The following ANO2 variants were observed in gnomAD, a reference collection of about 807,000 sequenced individuals.
ANO2 encodes the protein anoctamin 2.
In ANO2, 101 loss-of-function variants were observed where a neutral mutation model predicts 124.2. The ratio of observed to expected loss-of-function variants is 0.81; its 90% CI spans 0.69 to 0.96. The LOEUF (loss-of-function observed/expected upper bound fraction) is 0.96. Ranked by LOEUF, ANO2 falls within the 40% of genes least tolerant of loss-of-function variation. The pLI is 0.00. For synonymous variants in ANO2, 486 were observed against 482.5 expected, an observed-to-expected ratio of 1.01 and a Z score of -0.09; for missense variants, 1,293 against 1,274.5, an observed-to-expected ratio of 1.01 and a Z score of -0.22.
chr12:5,785,235 G>A (rs1392683013), intron 10 of ANO2, among the ~76,000 whole-genome samples: 2 of 152,172 alleles, frequency 1.3e-5, no homozygotes, highest in Non-Finnish European at 2.9e-5. Flanking sequence ...GAAAAGGGGT[G>A]AAGACTTAGG....
chr12:5,841,057 G>A (rs1954498033), intron 4 of ANO2, among the ~76,000 whole-genome samples: 1 of 152,188 alleles, frequency 6.6e-6, no homozygotes, highest in African/African-American at 2.4e-5. Flanking sequence ...ATGCCATGGA[G>A]TTCACCCACT....
At chr12:5,580,056 A>G (rs903641246) in intron 20 of ANO2, among the ~76,000 whole-genome samples, 1 of 152,186 alleles carries the variant, frequency 6.6e-6, no homozygotes, top group Non-Finnish European at 1.5e-5. Flanking sequence ...CTAGGGGTTC[A>G]GTACATATTT....
chr12:5,765,330 G>A (rs555760656), intron 10 of ANO2, among the ~76,000 whole-genome samples: 1 of 152,228 alleles, frequency 6.6e-6, no homozygotes, highest in East Asian at 1.9e-4. Flanking sequence ...CCAGCAGTCC[G>A]GGGTGACTTG....
At chr12:5,601,234 CA>C (rs1445072077) in intron 19 of ANO2, among the ~76,000 whole-genome samples, 2 of 151,958 alleles carry the variant, frequency 1.3e-5, no homozygotes, top group African/African-American at 4.8e-5. Context: ...GGGCTTGATA[CA>C]TGTTAAGAGC....
chr12:5,653,364 A>G (rs1947006019), intron 14 of ANO2, among the ~76,000 whole-genome samples: 2 of 152,234 alleles, frequency 1.3e-5, no homozygotes, highest in South Asian at 2.1e-4. Flanking sequence ...CAAAGAGAAG[A>G]GAAATACAAT....
chr12:5,632,761 T>A (rs1945787930), intron 16 of ANO2, among the ~76,000 whole-genome samples: 1 of 152,192 alleles, frequency 6.6e-6, no homozygotes, highest in Admixed American at 6.5e-5. Context: ...TTGTCTTTCA[T>A]CTTTATCACT....
At chr12:5,893,263 T>C (rs542629733) in intron 3 of ANO2, among the ~76,000 whole-genome samples, 1 of 152,204 alleles carries the variant, frequency 6.6e-6, no homozygotes, top group South Asian at 2.1e-4. Flanking sequence ...GTTTAAAAGC[T>C]TCCTCACAGC....
chr12:5,888,308 C>G (rs1433762090), intron 3 of ANO2, among the ~76,000 whole-genome samples: 1 of 152,010 alleles, frequency 6.6e-6, no homozygotes, highest in Non-Finnish European at 1.5e-5. Flanking sequence ...CGTTACAGCT[C>G]ATAAAAACAG....
chr12:5,635,169 T>C lies in ANO2; in HGVS notation c.1799A>G (p.Lys600Arg), dbSNP rs112073363. The change falls in exon 16 of 25, where the codon AAG becomes AGG. Residue 600 changes from lysine to arginine, a missense_variant. Coordinates refer to ENST00000682330, the MANE Select transcript of ANO2 (RefSeq NM_001364791.2). The surrounding 1 kb of genome is among the most constrained non-coding windows in gnomAD (Gnocchi z 5.2). ...CACAGTACCAATTTTGGTGAGCCACTTGGCCACAGCGCCGTAGATCTCGTC... is the reference window on the plus strand; with the variant it reads ...CACAGTACCAATTTTGGTGAGCCACCTGGCCACAGCGCCGTAGATCTCGTC... ...ILDEIYGAVAKWLTKIEVPKT... is the reference protein window; with the variant it reads ...ILDEIYGAVARWLTKIEVPKT... 675 of 1,584,712 alleles carry C rather than the reference T, an allele frequency of 4.3e-4. 3 individuals are homozygous for C. In the African/African-American group the frequency reaches 6.6e-3, roughly 16 times the overall value.
At chr12:5,832,233 G>A (rs903315678) in intron 5 of ANO2, among the ~76,000 whole-genome samples, 15 of 152,162 alleles carry the variant, frequency 9.9e-5, no homozygotes, top group African/African-American at 3.6e-4. Flanking sequence ...TGGATTTCCT[G>A]CTGGACAAGC....
intron 10 of ANO2, among the ~76,000 whole-genome samples, chr12:5,768,870 A>T (rs1276164743): frequency 6.6e-6 from 1 of 152,188 alleles, no homozygotes; most frequent in Non-Finnish European, 1.5e-5. Context: ...GAACTGGGGA[A>T]TTCTTGAGAA....
intron 9 of ANO2, among the ~76,000 whole-genome samples, chr12:5,805,479 C>G (rs1305056852): frequency 6.6e-6 from 1 of 152,174 alleles, no homozygotes; most frequent in Non-Finnish European, 1.5e-5. Context: ...AACTACAAAG[C>G]ACAACTGAGC....
In ANO2 at chr12:5,675,679, T is replaced by C. The variant is rs537096839; in HGVS notation, c.1546-27878A>G. ...CCCTAAGGTTGGGATACAGGATAAC[T>C]CTGTCCTGACAGACAGGAGATGTGC... On this transcript the variant is annotated intron_variant, in intron 14 of 24. Coordinates refer to ENST00000682330, the MANE Select transcript of ANO2 (RefSeq NM_001364791.2). 3.5e-4 allele frequency among the ~76,000 whole-genome samples: 54 copies of C among 152,324 alleles called. 1 individual carries two copies. The highest frequency in any genetic ancestry group is 7.2e-4 in the Admixed American group (11 of 15,310).
chr12:5,827,828 G>A lies in ANO2; in HGVS notation c.841-8C>T, dbSNP rs764170046. On this transcript the variant is annotated splice_region_variant and splice_polypyrimidine_tract_variant and intron_variant, in intron 6 of 24. Transcript: ENST00000682330. ...CTTCAGGATCTCGTGCACCTAAAAG[G>A]GGACGACAGCAGAGCTGTGAGCTCC... 113 of 1,609,274 alleles carry A rather than the reference G, an allele frequency of 7.0e-5. No individual in the cohort carries two copies. Among genetic ancestry groups the A allele is most frequent in the Non-Finnish European group, 9.1e-5 (107 of 1,178,124 alleles).
At chr12:5,707,511 AGAG>A (rs143053802) in intron 14 of ANO2, among the ~76,000 whole-genome samples, 18,193 of 152,140 alleles carry the variant, frequency 0.12, 1,189 homozygotes, top group African/African-American at 0.17. Context: ...TCCTTTATAG[AGAG>A]GAGAAGTTCA....
chr12:5,588,396 A>G (rs1565444688), intron 20 of ANO2, among the ~76,000 whole-genome samples: 1 of 152,206 alleles, frequency 6.6e-6, no homozygotes, highest in African/African-American at 2.4e-5. Flanking sequence ...AAGTTACTAC[A>G]GGTCTTGAAG....
intron 3 of ANO2, among the ~76,000 whole-genome samples, chr12:5,879,670 GAAGA>G (rs751732969): frequency 6.6e-6 from 1 of 152,186 alleles, no homozygotes; most frequent in Non-Finnish European, 1.5e-5. Context: ...CATATTAAGA[GAAGA>G]AAGAGCATTT....
intron 3 of ANO2, among the ~76,000 whole-genome samples, chr12:5,876,449 A>G (rs1938108475): frequency 1.3e-5 from 2 of 152,186 alleles, no homozygotes; most frequent in Non-Finnish European, 2.9e-5. Flanking sequence ...AGAACCAGAA[A>G]CATCATTTGA....
intron 14 of ANO2, among the ~76,000 whole-genome samples, chr12:5,668,263 C>A (rs1947831878): frequency 6.6e-6 from 1 of 152,146 alleles, no homozygotes; most frequent in Non-Finnish European, 1.5e-5. Flanking sequence ...TGTAAGATAG[C>A]ATCTCATTGT....
Sources: gnomAD v4.1 joint callset for allele counts (sites outside exome capture counted in the v4.1 genomes callset) on GRCh38, gnomAD v4.1.1 for gene constraint, Gnocchi (gnomAD v3.1) non-coding constraint, MANE v1.5 for transcripts, NCBI Gene and HGNC (gene_info 2026-07-23, HGNC 2026-07-21) for gene names.